Variants in BMPR1B observed in about 807,000 individuals in gnomAD.
BMPR1B encodes the protein bone morphogenetic protein receptor type-1B.
In BMPR1B, 12 loss-of-function variants were observed where a neutral mutation model predicts 59.1. The ratio of observed to expected loss-of-function variants is 0.20; its 90% confidence interval spans 0.13 to 0.33. The LOEUF is 0.33. BMPR1B is among the 10% of genes least tolerant of loss of function. BMPR1B has a pLI of 1.00. For missense variants in BMPR1B, 550 were observed against 610.9 expected, an observed-to-expected ratio of 0.90 and a Z score of 1.05; for synonymous variants, 237 against 207.3, an observed-to-expected ratio of 1.14 and a Z score of -1.23.
Position 95,100,201 on chromosome 4 carries a change from A to G in BMPR1B, c.-17-4207A>G, listed in dbSNP as rs1229100210. Among the ~76,000 whole-genome samples the G allele has an allele frequency of 1.1e-4, 17 of 152,000 alleles. 1 individual carries two copies. The highest frequency in any genetic ancestry group is 1.5e-5 in the Non-Finnish European group (1 of 68,002). On this transcript the variant is annotated intron_variant, in intron 3 of 12. Transcript: ENST00000515059. ...ACCTATTCCATCTTTTTTCTTGTTT[A>G]TACCTTCATTTGGAAGGAATATCTC...
At chr4:95,059,743 G>A (rs1284936686) in intron 3 of BMPR1B, among the ~76,000 whole-genome samples, 1 of 151,904 alleles carries the variant, frequency 6.6e-6, no homozygotes, top group Non-Finnish European at 1.5e-5. Flanking sequence ...ATCTATCAAA[G>A]CCACACATTG....
chr4:94,985,499 A>C (rs1343699198), intron 2 of BMPR1B, among the ~76,000 whole-genome samples: 1 of 148,390 alleles, frequency 6.7e-6, no homozygotes, highest in Non-Finnish European at 1.5e-5. Context: ...CAGAGAAACC[A>C]AAATAAGAGC....
intron 2 of BMPR1B, among the ~76,000 whole-genome samples, chr4:94,908,798 A>G (rs1437937953): frequency 6.6e-6 from 1 of 152,048 alleles, no homozygotes; most frequent in African/African-American, 2.4e-5. Context: ...AAAAACCCTT[A>G]TCTTTTGCTT....
chr4:94,894,434 T>C (rs1012353446), intron 2 of BMPR1B, among the ~76,000 whole-genome samples: 9 of 129,906 alleles, frequency 6.9e-5, no homozygotes, highest in Non-Finnish European at 1.2e-4. Context: ...ATTATGGCCT[T>C]TAAAAGAGAG....
intron 1 of BMPR1B, among the ~76,000 whole-genome samples, chr4:94,831,479 C>G (rs1245295042): frequency 6.6e-6 from 1 of 152,044 alleles, no homozygotes; most frequent in Non-Finnish European, 1.5e-5. Context: ...CATTAGTGTA[C>G]AGTAATGTCG....
intron 2 of BMPR1B, among the ~76,000 whole-genome samples, chr4:94,878,980 C>T (rs1726850776): frequency 1.3e-5 from 2 of 151,938 alleles, no homozygotes; most frequent in Non-Finnish European, 2.9e-5. Context: ...ATTGCATATT[C>T]AGGCAGGTTT....
At chr4:94,970,593 A>G (rs1730753348) in intron 2 of BMPR1B, among the ~76,000 whole-genome samples, 1 of 152,150 alleles carries the variant, frequency 6.6e-6, no homozygotes, top group Non-Finnish European at 1.5e-5. Context: ...GATTACAGGC[A>G]TGAACCACCA....
chr4:94,988,139 G>T (rs1721527783), intron 2 of BMPR1B, among the ~76,000 whole-genome samples: 1 of 151,936 alleles, frequency 6.6e-6, no homozygotes, highest in Non-Finnish European at 1.5e-5. Flanking sequence ...AGTAGAAAAT[G>T]CTTGAAATTA....
chr4:95,051,423 G>A (rs1325898534), intron 3 of BMPR1B, among the ~76,000 whole-genome samples: 1 of 152,162 alleles, frequency 6.6e-6, no homozygotes, highest in East Asian at 1.9e-4. Context: ...TAGCCCTTGT[G>A]TGGGCAGCTG....
intron 1 of BMPR1B, among the ~76,000 whole-genome samples, chr4:94,846,260 A>G (rs1725321336): frequency 6.6e-6 from 1 of 152,216 alleles, no homozygotes; most frequent in South Asian, 2.1e-4. Flanking sequence ...GGATATCTCT[A>G]TGCAGAAGAA....
At chr4:94,789,052 T>C (rs919626522) in intron 1 of BMPR1B, among the ~76,000 whole-genome samples, 6 of 152,156 alleles carry the variant, frequency 3.9e-5, no homozygotes, top group African/African-American at 1.4e-4. Flanking sequence ...CAGGTACCCC[T>C]GGATGGATTG....
intron 2 of BMPR1B, among the ~76,000 whole-genome samples, chr4:94,901,329 A>G (rs1727802160): frequency 6.6e-6 from 1 of 152,024 alleles, no homozygotes; most frequent in Non-Finnish European, 1.5e-5. Flanking sequence ...TAAATGGTGC[A>G]ACATGATGTA....
chr4:94,981,156 G>A (rs1721055508), intron 2 of BMPR1B, among the ~76,000 whole-genome samples: 1 of 151,970 alleles, frequency 6.6e-6, no homozygotes, highest in African/African-American at 2.4e-5. Flanking sequence ...TATGCAGTTA[G>A]GTAAAATATT....
chr4:95,123,854 G>T lies in BMPR1B; in HGVS notation c.394G>T (p.Val132Leu), dbSNP rs931491708. The T allele has an allele frequency of 1.9e-6, 3 of 1,611,970 alleles. No homozygotes were observed. The highest frequency in any genetic ancestry group is 1.7e-5 in the Admixed American group (1 of 59,930). ...PIHHRALLIS[V>L]TVCSLLLVLI... ...ACACCACAGGGCTTTACTTATATCT[G>T]TGACTGTCTGTAGTTTGCTCTTGGT... Residue 132 changes from valine to leucine, a missense_variant, in exon 7 of 13, where the codon GTG becomes TTG. Val to Leu is a conservative substitution (Grantham distance 32). This residue lies in a region of BMPR1B where 318 missense variants were observed against 284.6 expected (regional missense o/e 1.12). Coordinates refer to ENST00000515059, the MANE Select transcript of BMPR1B (RefSeq NM_001203.3).
In BMPR1B at chr4:95,026,122, C is replaced by CTTTT. The variant is rs1254509392; in HGVS notation, c.-18+29991_-18+29992insTTTT. Among the ~76,000 whole-genome samples the CTTTT allele has an allele frequency of 2.3e-3, 336 of 144,386 alleles. 6 individuals carry two copies. Among genetic ancestry groups the CTTTT allele is most frequent in the South Asian group, 0.015 (66 of 4,414 alleles). The allele number at this position is 144,386 out of a possible 152,430, so 94.7% of individuals were successfully genotyped here. ...CATTTCTTTCTTTCTTTCTTTCTTTCTTTCTTTCTTTCTTTCTTTCTTTCT... is the reference window on the plus strand; with the variant it reads ...CATTTCTTTCTTTCTTTCTTTCTTTCTTTTTTTCTTTCTTTCTTTCTTTCTTTCT... On this transcript the variant is annotated intron_variant, in intron 3 of 12. Coordinates refer to ENST00000515059, the MANE Select transcript of BMPR1B (RefSeq NM_001203.3).
intron 10 of BMPR1B, among the ~76,000 whole-genome samples, chr4:95,137,871 CCG>C: frequency 1.3e-5 from 2 of 152,234 alleles, no homozygotes; most frequent in East Asian, 3.9e-4. Flanking sequence ...ATTTGCCAGT[CCG>C]TATCTTTTAA....
At chr4:94,908,755 C>T (rs1160028699) in intron 2 of BMPR1B, among the ~76,000 whole-genome samples, 1 of 151,936 alleles carries the variant, frequency 6.6e-6, no homozygotes, top group Admixed American at 6.6e-5. Context: ...AAGCATTCAC[C>T]GAAGTCAGAT....
chr4:95,091,170 G>GA (rs1729951358), intron 3 of BMPR1B, among the ~76,000 whole-genome samples: 1 of 152,102 alleles, frequency 6.6e-6, no homozygotes, highest in Admixed American at 6.6e-5. Flanking sequence ...CATAGACGCA[G>GA]AGGTAGCTTT....
intron 2 of BMPR1B, among the ~76,000 whole-genome samples, chr4:94,979,991 C>G (rs769861460): frequency 6.6e-6 from 1 of 152,174 alleles, no homozygotes; most frequent in East Asian, 1.9e-4. Context: ...TTGTGAAAAC[C>G]AAGGAGCAGA....
Sources: allele counts gnomAD v4.1 joint callset (sites outside exome capture counted in the v4.1 genomes callset), GRCh38; gene constraint gnomAD v4.1.1; regional missense constraint gnomAD v4.1.1; transcripts MANE v1.5; gene names NCBI Gene and HGNC (gene_info 2026-07-23, HGNC 2026-07-21).